The following ATP6V1D variants were observed in gnomAD, a reference collection of about 807,000 sequenced individuals.
The protein encoded by ATP6V1D is V-type proton ATPase subunit D.
In ATP6V1D, 20 loss-of-function variants were observed where a neutral mutation model predicts 39.4. That is an observed-to-expected ratio of 0.51 (90% confidence interval 0.36 to 0.74). The LOEUF (loss-of-function observed/expected upper bound fraction) is 0.74, where lower values mean the gene tolerates loss of function less well. Ranked by LOEUF, ATP6V1D falls within the 30% of genes least tolerant of loss-of-function variation. The pLI is 0.00. For missense variants in ATP6V1D, 228 were observed against 291.6 expected, an observed-to-expected ratio of 0.78 and a Z score of 1.59; for synonymous variants, 100 against 100.5, an observed-to-expected ratio of 0.99 and a Z score of 0.03.
intron 5 of ATP6V1D, 111 bp from the exon 6 acceptor site, chr14:67,345,982 C>A: frequency 1.4e-6 from 1 of 696,344 alleles, no homozygotes; most frequent in Non-Finnish European, 2.5e-6. Flanking sequence ...GATGAATTCA[C>A]TAATCTTCAT....
intron 4 of ATP6V1D, 72 bp downstream of exon 4, chr14:67,348,965 T>C: frequency 1.4e-6 from 2 of 1,388,732 alleles, no homozygotes; most frequent in South Asian, 1.2e-5. Flanking sequence ...AAGATCTTGC[T>C]GTATAAACAG....
In ATP6V1D at chr14:67,338,630, T is replaced by C. The variant is rs1285087111; in HGVS notation, c.735A>G (p.Leu245=). The change falls in exon 9 of 9, where the codon CTA becomes CTG. Residue 245 remains leucine, a synonymous_variant. Coordinates refer to ENST00000216442, the MANE Select transcript of ATP6V1D (RefSeq NM_015994.4). ...LLAEEKDEDL[L]FE ...ACCAGAACAGGAAAGATTATTCAAA[T>C]AGAAGATCCTCGTCCTTCTCTTCAG... is the stretch of plus-strand genomic sequence containing the variant. 6.2e-7 allele frequency: 1 copy of C among 1,613,554 alleles called. No individual in the cohort carries two copies. Among genetic ancestry groups the C allele is most frequent in the Non-Finnish European group, 8.5e-7 (1 of 1,179,822 alleles).
At chr14:67,341,015 G>A (rs1272212324) in intron 7 of ATP6V1D, among the ~76,000 whole-genome samples, 14 of 152,126 alleles carry the variant, frequency 9.2e-5, no homozygotes, top group African/African-American at 3.1e-4. Context: ...GCGTGATCTC[G>A]GCTCGCTACA....
In ATP6V1D at chr14:67,353,022, C is replaced by T. The variant is rs753108275; in HGVS notation, c.60G>A (p.Lys20=). Residue 20 remains lysine (K), a synonymous_variant, in exon 2 of 9, where the codon AAG becomes AAA. Transcript: ENST00000216442. ...FPSRMAQTIM[K]ARLKGAQTGR... The stretch of plus-strand genomic sequence containing the variant: ...CTGTCTGTGCTCCCTTTAAACGAGC[C>T]TTCATGATGGTCTGTGCCCTATATA... 8 of 1,613,458 alleles carry T rather than the reference C, an allele frequency of 5.0e-6. 1 individual carries two copies. In the South Asian group the frequency reaches 8.8e-5, roughly 18 times the overall value.
chr14:67,338,656 C>T lies in ATP6V1D; in HGVS notation c.709G>A (p.Ala237Thr). Residue 237 changes from alanine to threonine, a missense_variant, in exon 9 of 9, where the codon GCT (alanine) becomes ACT (threonine). Ala to Thr is a moderately conservative substitution (Grantham distance 58). Coordinates refer to ENST00000216442, the MANE Select transcript of ATP6V1D (RefSeq NM_015994.4). ...GEVLEPANLL[A>T]EEKDEDLLFE ...AGAAGATCCTCGTCCTTCTCTTCAGCCAGAAGATTAGCAGGCTCCAACACC... is the reference window on the plus strand; with the variant it reads ...AGAAGATCCTCGTCCTTCTCTTCAGTCAGAAGATTAGCAGGCTCCAACACC... 1 of 1,614,100 alleles carries T rather than the reference C, an allele frequency of 6.2e-7. No individual in the cohort carries two copies. Among genetic ancestry groups the T allele is most frequent in the Non-Finnish European group, 8.5e-7 (1 of 1,179,970 alleles).
At chr14:67,345,621 A>C (rs2085614577) in intron 6 of ATP6V1D, 147 bp downstream of exon 6, 2 of 559,516 alleles carry the variant, frequency 3.6e-6, no homozygotes, top group Admixed American at 3.4e-5. Flanking sequence ...TCACTTCAGA[A>C]ATCAAAATAT....
chr14:67,356,450 AAAAC>A (rs79383026), intron 1 of ATP6V1D, among the ~76,000 whole-genome samples: 23,100 of 151,254 alleles, frequency 0.15, 3,345 homozygotes, highest in East Asian at 0.42. Flanking sequence ...AAAAAAAACA[AAAAC>A]AAACAAACAC....
chr14:67,351,255 T>C (rs368507155), intron 2 of ATP6V1D, among the ~76,000 whole-genome samples: 1 of 152,080 alleles, frequency 6.6e-6, no homozygotes, highest in Non-Finnish European at 1.5e-5. Flanking sequence ...ATATGGAAAT[T>C]TAGTAAAGAG....
At chr14:67,342,889 C>A (rs1357640114) in intron 7 of ATP6V1D, among the ~76,000 whole-genome samples, 1 of 151,978 alleles carries the variant, frequency 6.6e-6, no homozygotes, top group East Asian at 1.9e-4. Context: ...ACCATCAACA[C>A]TAAGCAGTCA....
intron 7 of ATP6V1D, among the ~76,000 whole-genome samples, chr14:67,342,778 T>A (rs186192542): frequency 6.6e-6 from 1 of 151,690 alleles, no homozygotes; most frequent in Admixed American, 6.6e-5. Context: ...AGCATTAATA[T>A]AGAAATTCCC....
At chr14:67,340,307 T>C in intron 8 of ATP6V1D, 133 bp downstream of exon 8, 1 of 712,784 alleles carries the variant, frequency 1.4e-6, no homozygotes, top group Non-Finnish European at 2.3e-6. Context: ...TAATATTTCT[T>C]GCTGCTTATT....
At chr14:67,348,393 G>C (rs182725615) in intron 4 of ATP6V1D, among the ~76,000 whole-genome samples, 18 of 152,056 alleles carry the variant, frequency 1.2e-4, no homozygotes, top group African/African-American at 3.1e-4. Context: ...CTTTGGTAAA[G>C]ATGGGGTTTC....
rs1449859980 is a variant in ATP6V1D at position 67,338,725 on chromosome 14, C to G, written c.640G>C (p.Glu214Gln). 1 of 1,613,478 alleles carries G rather than the reference C, an allele frequency of 6.2e-7. No individual in the cohort carries two copies. The highest frequency in any genetic ancestry group is 8.5e-7 in the Non-Finnish European group (1 of 1,179,536). The change falls in exon 9 of 9, where the codon GAA becomes CAA. Residue 214 changes from glutamate (E) to glutamine (Q), a missense_variant. Physicochemically the swap from Glu to Gln is conservative, Grantham distance 29. Around this residue, in one of 3 missense-constraint regions of ATP6V1D, gnomAD observed 114 missense variants for 128.3 expected, o/e 0.89. Transcript: ENST00000216442. Reference protein sequence around the residue: ...KIQEKKKILKEKSEKDLEQRR... With the variant: ...KIQEKKKILKQKSEKDLEQRR... The stretch of plus-strand genomic sequence containing the variant: ...TGCTCCAAGTCCTTCTCAGATTTTT[C>G]CTTTAGAATCTTTTTCTTCTCTTGT...
intron 8 of ATP6V1D, among the ~76,000 whole-genome samples, chr14:67,339,130 G>C (rs1311833549): frequency 6.6e-6 from 1 of 151,690 alleles, no homozygotes; most frequent in Non-Finnish European, 1.5e-5. Context: ...CGAGTAGCTG[G>C]GAATACAGGC....
intron 1 of ATP6V1D, among the ~76,000 whole-genome samples, chr14:67,356,460 A>C (rs923416978): frequency 6.8e-6 from 1 of 147,880 alleles, no homozygotes; most frequent in East Asian, 2.1e-4. Flanking sequence ...AAAACAAACA[A>C]ACACCATTTG....
intron 1 of ATP6V1D, among the ~76,000 whole-genome samples, chr14:67,355,991 G>A (rs1039067514): frequency 1.3e-5 from 2 of 151,594 alleles, no homozygotes; most frequent in African/African-American, 4.8e-5. Context: ...AGCAAGACTC[G>A]GTCTCAAAAA....
intron 7 of ATP6V1D, 52 bp downstream of exon 7, chr14:67,343,320 A>G: frequency 7.2e-7 from 1 of 1,391,446 alleles, no homozygotes; most frequent in South Asian, 1.2e-5. Flanking sequence ...GTTTCACGAC[A>G]AGTGGAGGGT....
chr14:67,338,790 T>C, intron 8 of ATP6V1D, 28 bp from the exon 9 acceptor site: 1 of 1,584,896 alleles, frequency 6.3e-7, no homozygotes, highest in Non-Finnish European at 8.6e-7. Flanking sequence ...GGGTGGATTT[T>C]TTAAACACTG....
chr14:67,348,839 G>T, intron 4 of ATP6V1D, 198 bp downstream of exon 4: 1 of 555,132 alleles, frequency 1.8e-6, no homozygotes, highest in Non-Finnish European at 3.1e-6. Context: ...CTTCTTAAGT[G>T]TTCACTTCTA....
Sources: allele counts gnomAD v4.1 joint callset (sites outside exome capture counted in the v4.1 genomes callset), GRCh38; gene constraint gnomAD v4.1.1; regional missense constraint gnomAD v4.1.1; transcripts MANE v1.5; gene names NCBI Gene and HGNC (gene_info 2026-07-23, HGNC 2026-07-21).